The following EPHA5 variants were observed in gnomAD, a reference collection of about 807,000 sequenced individuals.
EPHA5 encodes ephrin type-A receptor 5.
A neutral mutation model predicts 105.0 loss-of-function variants in EPHA5; 60 were observed. The observed-to-expected ratio is 0.57, with a 90% CI of 0.46 to 0.71. The LOEUF (loss-of-function observed/expected upper bound fraction) is 0.71. Among genes scored for constraint, EPHA5 ranks in the 30% least tolerant of loss-of-function variants. The pLI is 0.00. For synonymous variants in EPHA5, 513 were observed against 449.1 expected (o/e 1.14, Z -1.80); for missense variants, 1,218 against 1,274.7 (o/e 0.96, Z 0.68).
chr4:65,553,389 T>TAA (rs1738105265), intron 3 of EPHA5, among the ~76,000 whole-genome samples: 1 of 152,094 alleles, frequency 6.6e-6, no homozygotes. Context: ...AAGTGACTGT[T>TAA]ACTTTATGTT....
chr4:65,464,087 A>G (rs779306419), intron 5 of EPHA5, among the ~76,000 whole-genome samples: 1 of 151,872 alleles, frequency 6.6e-6, no homozygotes, highest in Non-Finnish European at 1.5e-5. Context: ...CATCCATTCA[A>G]AGAAGAACAA....
At chr4:65,473,845 C>T (rs562399609) in intron 5 of EPHA5, among the ~76,000 whole-genome samples, 2 of 149,940 alleles carry the variant, frequency 1.3e-5, no homozygotes, top group South Asian at 4.2e-4. Flanking sequence ...CTCCCTTTCC[C>T]ATTAGTAGTC....
In EPHA5 at chr4:65,490,552, G is replaced by T. The variant is rs199891992; in HGVS notation, c.1227C>A (p.Gly409=). ...NSHAGVCEEC[G]GHVRYLPRQS... ...GCCGGGGAAGGTACCTGACATGACC[G>T]CCACACTCCTCACACACACCTGCAT... The change falls in exon 5 of 17, where the codon GGC becomes GGA. Residue 409 remains glycine, a synonymous_variant. Transcript: ENST00000613740. 5.0e-6 allele frequency: 8 copies of T among 1,614,034 alleles called. No individual in the cohort carries two copies. In the East Asian group the frequency reaches 1.6e-4, roughly 31 times the overall value.
In EPHA5 at chr4:65,348,816, T is replaced by TATATA. The variant is rs1553896844; in HGVS notation, c.2446-614_2446-613insTATAT. 1.1e-3 allele frequency among the ~76,000 whole-genome samples: 29 copies of TATATA among 27,050 alleles called. 3 individuals carry two copies. The highest frequency in any genetic ancestry group is 6.5e-3 in the Admixed American group (15 of 2,306). The allele number at this position is 27,050 out of a possible 152,430, so 17.7% of individuals were successfully genotyped here. On this transcript the variant is annotated intron_variant, in intron 13 of 16. Transcript: ENST00000613740. ...GTGTATATATATATATATATATATATTTTTTTTTTTTTTTTTTGAGACAGG... is the reference window on the plus strand; with the variant it reads ...GTGTATATATATATATATATATATATATATATTTTTTTTTTTTTTTTTGAGACAGG...
intron 5 of EPHA5, among the ~76,000 whole-genome samples, chr4:65,487,081 C>T (rs1017399520): frequency 6.6e-6 from 1 of 152,154 alleles, no homozygotes; most frequent in African/African-American, 2.4e-5. Flanking sequence ...CCTGGGGCCT[C>T]ACAAGAAGCA....
chr4:65,343,885 G>T (rs890484512), intron 14 of EPHA5, among the ~76,000 whole-genome samples: 3 of 151,680 alleles, frequency 2.0e-5, no homozygotes, highest in African/African-American at 7.3e-5. Flanking sequence ...TTCCTGAAAG[G>T]TTACATAAGC....
chr4:65,376,028 T>A (rs1217648015), intron 8 of EPHA5, among the ~76,000 whole-genome samples: 1 of 151,926 alleles, frequency 6.6e-6, no homozygotes, highest in Non-Finnish European at 1.5e-5. Context: ...GTTCACTCTC[T>A]CTTCTTCTCA....
chr4:65,455,947 T>C (rs1727542436), intron 5 of EPHA5, among the ~76,000 whole-genome samples: 1 of 152,224 alleles, frequency 6.6e-6, no homozygotes, highest in Non-Finnish European at 1.5e-5. Context: ...ATTTTATAGT[T>C]GTACATCTTT....
chr4:65,378,703 TA>T (rs1235407188), intron 8 of EPHA5, among the ~76,000 whole-genome samples: 2 of 151,962 alleles, frequency 1.3e-5, no homozygotes, highest in Non-Finnish European at 2.9e-5. Flanking sequence ...TCTGGCCCTT[TA>T]AAAACCGTTT....
intron 3 of EPHA5, among the ~76,000 whole-genome samples, chr4:65,523,485 A>G (rs71612726): frequency 0.025 from 3,840 of 152,156 alleles, 63 homozygotes; most frequent in African/African-American, 0.03. Flanking sequence ...CAAAATATCC[A>G]GTTAGCTGGT....
At chr4:65,537,025 C>G (rs1019903788) in intron 3 of EPHA5, among the ~76,000 whole-genome samples, 1 of 151,636 alleles carries the variant, frequency 6.6e-6, no homozygotes, top group Non-Finnish European at 1.5e-5. Context: ...CAGACTATGA[C>G]TTAGAGGGAC....
At chr4:65,619,176 C>A (rs1013205316) in intron 2 of EPHA5, among the ~76,000 whole-genome samples, 2 of 151,964 alleles carry the variant, frequency 1.3e-5, no homozygotes, top group Non-Finnish European at 2.9e-5. Context: ...ATTACATTTA[C>A]AATCAGCTGG....
intron 3 of EPHA5, among the ~76,000 whole-genome samples, chr4:65,528,605 A>G (rs759214950): frequency 1.4e-4 from 21 of 152,186 alleles, no homozygotes; most frequent in Admixed American, 1.3e-4. Context: ...CAAGATATCC[A>G]GTGATTTGCA....
chr4:65,515,299 AAAC>A (rs1560632333), intron 3 of EPHA5, among the ~76,000 whole-genome samples: 4 of 152,188 alleles, frequency 2.6e-5, no homozygotes, highest in South Asian at 4.1e-4. Context: ...TTTTTAAAAA[AAAC>A]AACAACATTG....
intron 5 of EPHA5, among the ~76,000 whole-genome samples, chr4:65,472,303 A>G (rs1235753618): frequency 6.6e-6 from 1 of 152,096 alleles, no homozygotes; most frequent in East Asian, 1.9e-4. Context: ...GTTGGCATTG[A>G]GTGCCTCTGG....
At chr4:65,654,868 A>C (rs912768301) in intron 1 of EPHA5, among the ~76,000 whole-genome samples, 1 of 146,946 alleles carries the variant, frequency 6.8e-6, no homozygotes, top group East Asian at 2.0e-4. Flanking sequence ...ATTTTAATAT[A>C]TATTTATTTA....
intron 5 of EPHA5, among the ~76,000 whole-genome samples, chr4:65,435,411 TC>T (rs1725385029): frequency 6.6e-6 from 1 of 152,152 alleles, no homozygotes; most frequent in Non-Finnish European, 1.5e-5. Context: ...TATGGTTTTT[TC>T]ATCTTCAAAG....
chr4:65,484,440 C>G (rs889713471), intron 5 of EPHA5, among the ~76,000 whole-genome samples: 1 of 152,072 alleles, frequency 6.6e-6, no homozygotes, highest in African/African-American at 2.4e-5. Context: ...TAGGTAACAC[C>G]TACCTTGGTG....
intron 5 of EPHA5, among the ~76,000 whole-genome samples, chr4:65,446,632 T>A (rs1726559024): frequency 6.6e-6 from 1 of 152,032 alleles, no homozygotes; most frequent in African/African-American, 2.4e-5. Flanking sequence ...ACTTAAGATA[T>A]GAATAATGTA....
Sources: gnomAD v4.1 joint callset for allele counts (sites outside exome capture counted in the v4.1 genomes callset) on GRCh38, gnomAD v4.1.1 for gene constraint, MANE v1.5 for transcripts, NCBI Gene and HGNC (gene_info 2026-07-23, HGNC 2026-07-21) for gene names.